Variants in XKR4 observed in about 807,000 individuals in gnomAD.
XKR4 encodes the protein XK related 4, also known as XK-related protein 4.
A neutral mutation model predicts 53.9 loss-of-function variants in XKR4; 12 were observed. That is an observed-to-expected ratio of 0.22 (90% CI 0.14 to 0.36). The LOEUF is 0.36. Ranked by LOEUF, XKR4 falls within the 10% of genes least tolerant of loss-of-function variation. The probability of loss-of-function intolerance (pLI) is 1.00; values close to 1 mark genes in which losing one functional copy is unlikely to be tolerated. For missense variants in XKR4, 799 were observed against 859.5 expected (o/e 0.93, Z 0.88); for synonymous variants, 354 against 362.4 (o/e 0.98, Z 0.26).
rs1303695591 is a variant in XKR4 at position 55,528,504 on chromosome 8, A to G, written c.*4277A>G. 1 of 152,228 alleles carries G rather than the reference A, an allele frequency of 6.6e-6. No individual in the cohort carries two copies. Among genetic ancestry groups the G allele is most frequent in the Non-Finnish European group, 1.5e-5 (1 of 68,044 alleles). The allele number at this position is 152,228 out of a possible 1,614,324, so 9.4% of individuals were successfully genotyped here. On this transcript the variant is annotated 3_prime_UTR_variant, in exon 3 of 3. Coordinates refer to ENST00000327381, the MANE Select transcript of XKR4 (RefSeq NM_052898.2). ...ATGAACCATTTTCTAGACTAAATAT[A>G]TGCTCCCTTGCATTTTCCACATATC...
At position 55,533,517 on chromosome 8, in the gene XKR4, G is replaced by A. The variant is rs1388501030; in HGVS notation, c.*9290G>A. ...TCCACGGTCTGAATCGGAAGCTTGG[G>A]GCTCTGTGGAAAGATGTAAATCCCT... On this transcript the variant is annotated 3_prime_UTR_variant, in exon 3 of 3. Coordinates refer to ENST00000327381, the MANE Select transcript of XKR4 (RefSeq NM_052898.2). 6.6e-6 allele frequency: 1 copy of A among 152,198 alleles called. No individual in the cohort carries two copies. Among genetic ancestry groups the A allele is most frequent in the African/African-American group, 2.4e-5 (1 of 41,426 alleles). The allele number at this position is 152,198 out of a possible 1,614,324, so 9.4% of individuals were successfully genotyped here.
intron 1 of XKR4, among the ~76,000 whole-genome samples, chr8:55,212,731 T>G (rs1817746568): frequency 6.6e-6 from 1 of 152,206 alleles, no homozygotes. Context: ...TTCATGGAAT[T>G]CAGACAGAAG....
chr8:55,459,728 G>A (rs779403247), intron 2 of XKR4, among the ~76,000 whole-genome samples: 31 of 152,020 alleles, frequency 2.0e-4, no homozygotes, highest in African/African-American at 4.1e-4. Flanking sequence ...AATTAAAAGC[G>A]CACACCCACT....
chr8:55,123,621 G>C (rs974196389), intron 1 of XKR4, among the ~76,000 whole-genome samples: 3 of 152,148 alleles, frequency 2.0e-5, no homozygotes, highest in Non-Finnish European at 4.4e-5. Context: ...TTCCATCCCA[G>C]ACTCAGGACA....
intron 1 of XKR4, among the ~76,000 whole-genome samples, chr8:55,337,281 G>A (rs1803475929): frequency 1.3e-5 from 2 of 152,248 alleles, no homozygotes; most frequent in Admixed American, 1.3e-4. Context: ...AACCCAAGCT[G>A]GACCCTTGAA....
intron 1 of XKR4, among the ~76,000 whole-genome samples, chr8:55,238,651 A>T (rs980886556): frequency 1.1e-4 from 16 of 152,090 alleles, no homozygotes; most frequent in Admixed American, 1.3e-4. Context: ...AGAGGCTGGG[A>T]TGTAGGGACA....
intron 2 of XKR4, among the ~76,000 whole-genome samples, chr8:55,413,117 C>T (rs1258523752): frequency 6.6e-6 from 1 of 152,194 alleles, no homozygotes; most frequent in East Asian, 1.9e-4. Context: ...CACAATTATG[C>T]ATATATGACA....
intron 2 of XKR4, among the ~76,000 whole-genome samples, chr8:55,495,263 A>G (rs1395920335): frequency 1.3e-5 from 2 of 152,122 alleles, no homozygotes; most frequent in African/African-American, 4.8e-5. Context: ...GGTGCTTCTG[A>G]GCCTGCTGCA....
At chr8:55,462,504 C>A (rs1167528119) in intron 2 of XKR4, among the ~76,000 whole-genome samples, 1 of 152,188 alleles carries the variant, frequency 6.6e-6, no homozygotes, top group Non-Finnish European at 1.5e-5. Flanking sequence ...CAACCGGTAC[C>A]AGCCACTGCA....
chr8:55,115,381 T>TACACACACACACAC (rs34839811), intron 1 of XKR4, among the ~76,000 whole-genome samples: 2 of 149,714 alleles, frequency 1.3e-5, no homozygotes, highest in South Asian at 4.2e-4. Context: ...GATAGGTGCA[T>TACACACACACACAC]ACACACACAC....
intron 2 of XKR4, chr8:55,452,733 GTC>G (rs1805473547): frequency 3.2e-6 from 3 of 941,998 alleles, no homozygotes; most frequent in Admixed American, 1.7e-5. Flanking sequence ...TACATTGCAG[GTC>G]TCTCTGTCCT....
At chr8:55,461,554 A>G (rs2129397992) in intron 2 of XKR4, among the ~76,000 whole-genome samples, 1 of 152,370 alleles carries the variant, frequency 6.6e-6, no homozygotes, top group African/African-American at 2.4e-5. Flanking sequence ...CAGAAACTCT[A>G]AAAATCAGAG....
chr8:55,160,016 A>G lies in XKR4; in HGVS notation c.806+56722A>G, dbSNP rs145481918. ...GATCTGAGCAAAGAAAAGAATGTAG[A>G]AAAGAAATGATGTAGGAATGTAGAA... On this transcript the variant is annotated intron_variant, in intron 1 of 2. Transcript: ENST00000327381. Among the ~76,000 whole-genome samples the G allele has an allele frequency of 3.9e-5, 6 of 152,344 alleles. No individual in the cohort carries two copies. In the East Asian group the frequency reaches 1.2e-3, roughly 29 times the overall value.
intron 2 of XKR4, among the ~76,000 whole-genome samples, chr8:55,480,785 A>ATGT (rs1336759282): frequency 7.1e-6 from 1 of 140,674 alleles, no homozygotes; most frequent in African/African-American, 3.0e-5. Flanking sequence ...TCATGAGTGA[A>ATGT]CTCCCATTCA....
intron 1 of XKR4, among the ~76,000 whole-genome samples, chr8:55,206,172 A>G (rs1817646760): frequency 6.6e-6 from 1 of 152,214 alleles, no homozygotes; most frequent in Admixed American, 6.5e-5. Flanking sequence ...GAGCAAAAGA[A>G]CAAACCTTCC....
intron 2 of XKR4, among the ~76,000 whole-genome samples, chr8:55,468,610 T>C (rs2129399646): frequency 6.6e-6 from 1 of 152,296 alleles, no homozygotes; most frequent in Middle Eastern, 3.4e-3. Context: ...AATCACTTTA[T>C]ATCTATTAAA....
At chr8:55,145,280 C>G (rs1816757631) in intron 1 of XKR4, among the ~76,000 whole-genome samples, 1 of 152,186 alleles carries the variant, frequency 6.6e-6, no homozygotes. Context: ...GACATCTACT[C>G]CATGTCCTTC....
At chr8:55,235,322 A>C (rs1441894512) in intron 1 of XKR4, among the ~76,000 whole-genome samples, 1 of 152,220 alleles carries the variant, frequency 6.6e-6, no homozygotes, top group African/African-American at 2.4e-5. Flanking sequence ...CCCTATTTTC[A>C]AATAAGGTTA....
chr8:55,392,694 G>A (rs924742072), intron 2 of XKR4, among the ~76,000 whole-genome samples: 14 of 152,138 alleles, frequency 9.2e-5, no homozygotes, highest in African/African-American at 3.1e-4. Context: ...AGGAGGCTGA[G>A]GTAGAAGGAT....
Sources: allele counts gnomAD v4.1 joint callset (sites outside exome capture counted in the v4.1 genomes callset), GRCh38; gene constraint gnomAD v4.1.1; transcripts MANE v1.5; gene names NCBI Gene and HGNC (gene_info 2026-07-23, HGNC 2026-07-21).